Variants in MTUS2 observed in about 807,000 individuals in gnomAD.
MTUS2 encodes microtubule associated scaffold protein 2.
In MTUS2, 40 loss-of-function variants were observed where a neutral mutation model predicts 114.1. The ratio of observed to expected loss-of-function variants is 0.35; its 90% CI spans 0.27 to 0.46. MTUS2 has a LOEUF of 0.46. MTUS2 is among the 20% of genes least tolerant of loss of function. MTUS2 has a pLI of 1.00. For synonymous variants in MTUS2, 688 were observed against 672.0 expected, an observed-to-expected ratio of 1.02 and a Z score of -0.37; for missense variants, 1,679 against 1,705.4, an observed-to-expected ratio of 0.98 and a Z score of 0.27.
chr13:28,929,323 A>G (rs1881490116), intron 2 of MTUS2, among the ~76,000 whole-genome samples: 1 of 152,174 alleles, frequency 6.6e-6, no homozygotes, highest in Non-Finnish European at 1.5e-5. Flanking sequence ...AATAATTTGA[A>G]TGTTTCCAGC....
intron 5 of MTUS2, among the ~76,000 whole-genome samples, chr13:29,269,599 A>G (rs1897798985): frequency 6.6e-6 from 1 of 152,214 alleles, no homozygotes; most frequent in Non-Finnish European, 1.5e-5. Flanking sequence ...GAACCTTTGT[A>G]TACTGTCGGT....
chr13:29,222,672 G>T (rs1895953754), intron 5 of MTUS2, among the ~76,000 whole-genome samples: 1 of 152,210 alleles, frequency 6.6e-6, no homozygotes, highest in African/African-American at 2.4e-5. Flanking sequence ...AGTTGGAGGG[G>T]TGGGAGCCCC....
At chr13:28,969,564 G>A (rs183940090) in intron 2 of MTUS2, among the ~76,000 whole-genome samples, 84 of 149,694 alleles carry the variant, frequency 5.6e-4, no homozygotes, top group African/African-American at 1.9e-3. Flanking sequence ...GTGCAGTGGC[G>A]CGATCTTGAC....
intron 8 of MTUS2, among the ~76,000 whole-genome samples, chr13:29,383,965 C>T (rs1335107482): frequency 6.6e-6 from 1 of 152,186 alleles, no homozygotes; most frequent in Non-Finnish European, 1.5e-5. Context: ...CAGGGACAGC[C>T]ACTTTGGGGC....
chr13:28,860,837 C>A (rs1876932785), intron 2 of MTUS2, among the ~76,000 whole-genome samples: 2 of 152,286 alleles, frequency 1.3e-5, no homozygotes, highest in South Asian at 2.1e-4. Flanking sequence ...CAGTGTATGT[C>A]CCTCGTTTTG....
intron 5 of MTUS2, among the ~76,000 whole-genome samples, chr13:29,140,105 ACTTTT>A (rs1225970744): frequency 6.6e-6 from 1 of 152,170 alleles, no homozygotes; most frequent in Non-Finnish European, 1.5e-5. Flanking sequence ...AAAATTTTTA[ACTTTT>A]CTTCATCAAC....
chr13:29,225,251 G>T (rs1302333485), intron 5 of MTUS2, among the ~76,000 whole-genome samples: 1 of 152,172 alleles, frequency 6.6e-6, no homozygotes, highest in Non-Finnish European at 1.5e-5. Context: ...TTCTTCATTT[G>T]CAAGAGGACC....
intron 5 of MTUS2, among the ~76,000 whole-genome samples, chr13:29,112,980 G>A (rs1401622756): frequency 6.6e-6 from 1 of 152,180 alleles, no homozygotes; most frequent in Non-Finnish European, 1.5e-5. Flanking sequence ...GTGCATGGGG[G>A]AATTGCAGAG....
At chr13:29,342,342 A>G (rs539484025) in intron 7 of MTUS2, among the ~76,000 whole-genome samples, 2 of 151,854 alleles carry the variant, frequency 1.3e-5, no homozygotes, top group Admixed American at 1.3e-4. Context: ...AGTGTTTTAT[A>G]GTTTTCTTTG....
intron 7 of MTUS2, among the ~76,000 whole-genome samples, chr13:29,326,218 G>A (rs1000425096): frequency 3.9e-5 from 6 of 152,174 alleles, no homozygotes; most frequent in Non-Finnish European, 8.8e-5. Flanking sequence ...CCCTCCCCCA[G>A]GAACCTTTGA....
chr13:29,325,319 G>C (rs567057613), intron 7 of MTUS2, among the ~76,000 whole-genome samples: 1 of 152,136 alleles, frequency 6.6e-6, no homozygotes, highest in South Asian at 2.1e-4. Flanking sequence ...AGCTGGGTGT[G>C]ATGGCTTTCG....
intron 2 of MTUS2, among the ~76,000 whole-genome samples, chr13:28,849,419 A>C (rs1876103732): frequency 6.6e-6 from 1 of 152,228 alleles, no homozygotes; most frequent in South Asian, 2.1e-4. Flanking sequence ...ATGAAAGCCC[A>C]GTTGGTCTAC....
At chr13:29,385,088 C>A (rs995182665) in intron 8 of MTUS2, among the ~76,000 whole-genome samples, 1 of 152,152 alleles carries the variant, frequency 6.6e-6, no homozygotes, top group Admixed American at 6.5e-5. Context: ...GGAGCAAGAC[C>A]AACACAGGCT....
chr13:29,047,465 G>A (rs1310351679), intron 4 of MTUS2, among the ~76,000 whole-genome samples: 1 of 151,086 alleles, frequency 6.6e-6, no homozygotes, highest in African/African-American at 2.4e-5. Flanking sequence ...TCCTTATTGA[G>A]TGTTTTTTAT....
At chr13:29,104,993 T>C (rs145940364) in intron 5 of MTUS2, among the ~76,000 whole-genome samples, 364 of 152,294 alleles carry the variant, frequency 2.4e-3, no homozygotes, top group African/African-American at 8.2e-3. Flanking sequence ...GTGTATAGGT[T>C]GTGCATCCCA....
chr13:28,939,063 C>T (rs983706649), intron 2 of MTUS2, among the ~76,000 whole-genome samples: 3 of 152,214 alleles, frequency 2.0e-5, no homozygotes, highest in African/African-American at 2.4e-5. Flanking sequence ...ACCACTTTCT[C>T]TTCTTTGTTG....
chr13:29,025,842 A>C lies in MTUS2; in HGVS notation c.1144A>C (p.Arg382=), dbSNP rs1212516526. ...GVGRGNCEEK[R]GVNPGEQDSL... Reference sequence around the variant, plus strand: ...GGGAAGAGGCAACTGTGAAGAGAAGAGAGGAGTCAACCCAGGGGAGCAGGA... The same window carrying C: ...GGGAAGAGGCAACTGTGAAGAGAAGCGAGGAGTCAACCCAGGGGAGCAGGA... The change falls in exon 3 of 16, where the codon AGA becomes CGA. Residue 382 remains arginine (R), a synonymous_variant. Coordinates refer to ENST00000612955, the MANE Select transcript of MTUS2 (RefSeq NM_001033602.4). 3.7e-6 allele frequency: 6 copies of C among 1,613,700 alleles called. No individual in the cohort carries two copies. Among genetic ancestry groups the C allele is most frequent in the Non-Finnish European group, 4.2e-6 (5 of 1,179,752 alleles).
chr13:28,853,752 A>T (rs1383167108), intron 2 of MTUS2, among the ~76,000 whole-genome samples: 1 of 151,912 alleles, frequency 6.6e-6, no homozygotes, highest in Non-Finnish European at 1.5e-5. Context: ...GGCAGAATTT[A>T]TATTCCTTCT....
At chr13:29,209,187 C>T (rs570650754) in intron 5 of MTUS2, among the ~76,000 whole-genome samples, 3 of 152,134 alleles carry the variant, frequency 2.0e-5, no homozygotes, top group South Asian at 2.1e-4. Context: ...TATTCCTCTT[C>T]GTCTTTTTTA....
Sources: gnomAD v4.1 joint callset for allele counts (sites outside exome capture counted in the v4.1 genomes callset) on GRCh38, gnomAD v4.1.1 for gene constraint, MANE v1.5 for transcripts, NCBI Gene and HGNC (gene_info 2026-07-23, HGNC 2026-07-21) for gene names.